DNM3: variants seen among roughly 807,000 people sequenced by gnomAD.
DNM3 encodes the protein dynamin 3, also known as dynamin-3.
A neutral mutation model predicts 101.6 loss-of-function variants in DNM3; 47 were observed. The observed-to-expected ratio is 0.46, with a 90% CI of 0.37 to 0.59. The LOEUF is 0.59. Among genes scored for constraint, DNM3 ranks in the 20% least tolerant of loss-of-function variants. The pLI is 0.00. For synonymous variants in DNM3, 385 were observed against 387.9 expected, an observed-to-expected ratio of 0.99 and a Z score of 0.09; for missense variants, 849 against 1,085.7, an observed-to-expected ratio of 0.78 and a Z score of 3.06.
At chr1:172,294,769 C>T (rs891574527) in intron 15 of DNM3, among the ~76,000 whole-genome samples, 3 of 136,010 alleles carry the variant, frequency 2.2e-5, no homozygotes, top group African/African-American at 9.2e-5. Context: ...CAAAATTAGC[C>T]AGGCTGGGAC....
At chr1:172,042,251 T>A in intron 8 of DNM3, 107 bp downstream of exon 8, 1 of 1,075,958 alleles carries the variant, frequency 9.3e-7, no homozygotes, top group Non-Finnish European at 1.2e-6. Flanking sequence ...ACATAGTTCT[T>A]TGAACAAAAC....
chr1:172,055,187 C>T (rs1388203494), intron 10 of DNM3, among the ~76,000 whole-genome samples: 1 of 152,086 alleles, frequency 6.6e-6, no homozygotes, highest in Non-Finnish European at 1.5e-5. Flanking sequence ...CCTTTCTCTC[C>T]TCCTCTTGGT....
At chr1:172,066,203 G>A (rs780087594) in intron 10 of DNM3, among the ~76,000 whole-genome samples, 3 of 149,094 alleles carry the variant, frequency 2.0e-5, no homozygotes, top group African/African-American at 7.8e-5. Context: ...GTGTGACTCT[G>A]TGTGTGTGTG....
chr1:172,324,979 G>C (rs564240063), intron 17 of DNM3, among the ~76,000 whole-genome samples: 5 of 152,186 alleles, frequency 3.3e-5, no homozygotes, highest in African/African-American at 9.6e-5. Context: ...TTTAGGATTT[G>C]TCTCTTTCAC....
intron 17 of DNM3, among the ~76,000 whole-genome samples, chr1:172,340,398 C>T (rs975764216): frequency 1.1e-4 from 17 of 152,140 alleles, no homozygotes; most frequent in Non-Finnish European, 5.9e-5. Context: ...CTACTTGGTC[C>T]GCATAGCTGG....
At chr1:171,993,765 A>C (rs1246183178) in intron 4 of DNM3, among the ~76,000 whole-genome samples, 1 of 151,676 alleles carries the variant, frequency 6.6e-6, no homozygotes, top group Non-Finnish European at 1.5e-5. Context: ...GACTTTGTTC[A>C]TGTTTCTTCA....
At chr1:171,998,973 G>A (rs187655987) in intron 4 of DNM3, among the ~76,000 whole-genome samples, 156 of 152,214 alleles carry the variant, frequency 1.0e-3, no homozygotes, top group African/African-American at 3.6e-3. Context: ...GAGGTAGGCA[G>A]GGCCCAGATC....
At chr1:172,394,632 C>T (rs534520571) in intron 20 of DNM3, among the ~76,000 whole-genome samples, 2 of 152,182 alleles carry the variant, frequency 1.3e-5, no homozygotes, top group Admixed American at 6.5e-5. Context: ...ATTGTTGAAG[C>T]TTCAGCCATT....
intron 2 of DNM3, among the ~76,000 whole-genome samples, chr1:171,970,802 G>A (rs2043935918): frequency 6.9e-6 from 1 of 145,946 alleles, no homozygotes; most frequent in Non-Finnish European, 1.5e-5. Flanking sequence ...GGTCTCAATT[G>A]GATTTTTTTA....
chr1:171,942,146 G>A (rs1424394444), intron 2 of DNM3, among the ~76,000 whole-genome samples: 1 of 150,766 alleles, frequency 6.6e-6, no homozygotes, highest in African/African-American at 2.4e-5. Context: ...GCAAGCTGTT[G>A]GGGAAAGATA....
chr1:171,941,102 A>G (rs2041780190), intron 2 of DNM3, among the ~76,000 whole-genome samples: 1 of 152,160 alleles, frequency 6.6e-6, no homozygotes, highest in Admixed American at 6.5e-5. Flanking sequence ...TACTTAACAA[A>G]TGTTTATTGA....
rs373374370 is a variant in DNM3, at chr1:171,841,722, G to A, written c.66G>A (p.Ala22=). The change falls in exon 1 of 21, where the codon GCG becomes GCA. Residue 22 remains alanine, a synonymous_variant. Transcript: ENST00000627582. The part of the protein sequence containing the change: ...LVNRLQDAFS[A]LGQSCLLELP... ...ACCGTCTGCAGGACGCGTTTTCGGC[G>A]CTGGGACAGAGCTGCCTGCTGGAGC... 6.2e-7 allele frequency: 1 copy of A among 1,611,324 alleles called. No homozygotes were observed. The highest frequency in any genetic ancestry group is 8.5e-7 in the Non-Finnish European group (1 of 1,179,288).
intron 14 of DNM3, among the ~76,000 whole-genome samples, chr1:172,168,448 C>G (rs1363119002): frequency 1.3e-5 from 2 of 151,866 alleles, no homozygotes; most frequent in Admixed American, 1.3e-4. Context: ...TGCAATTGTT[C>G]TATTATCGAG....
intron 15 of DNM3, among the ~76,000 whole-genome samples, chr1:172,273,407 AT>A (rs1201118862): frequency 6.6e-6 from 1 of 152,122 alleles, no homozygotes; most frequent in Non-Finnish European, 1.5e-5. Flanking sequence ...TTAGATAAAA[AT>A]TTTAAAACTA....
At chr1:172,093,654 CT>C (rs758272046) in intron 13 of DNM3, 27 of 1,571,052 alleles carry the variant, frequency 1.7e-5, no homozygotes, top group Admixed American at 4.1e-5. Context: ...ATTTTAAAAA[CT>C]TTTTTTCTGA....
chr1:172,203,148 A>G (rs1471401467), intron 14 of DNM3, among the ~76,000 whole-genome samples: 1 of 152,122 alleles, frequency 6.6e-6, no homozygotes, highest in Non-Finnish European at 1.5e-5. Context: ...TATGTTCAGG[A>G]CAAAGAATGA....
intron 17 of DNM3, among the ~76,000 whole-genome samples, chr1:172,350,338 GTGTGTGTT>G: frequency 1.3e-5 from 2 of 151,772 alleles, no homozygotes; most frequent in South Asian, 4.2e-4. Flanking sequence ...GTGTGTGTGT[GTGTGTGTT>G]TGTGTGTCTT....
chr1:171,972,741 T>C (rs1467295982), intron 2 of DNM3, among the ~76,000 whole-genome samples: 1 of 151,948 alleles, frequency 6.6e-6, no homozygotes, highest in East Asian at 1.9e-4. Flanking sequence ...TCCAGCTACT[T>C]GGGAGGATGA....
chr1:171,922,040 TA>T (rs1036603346), intron 2 of DNM3, among the ~76,000 whole-genome samples: 3 of 152,104 alleles, frequency 2.0e-5, no homozygotes, highest in African/African-American at 4.8e-5. Flanking sequence ...AATACCTACT[TA>T]AAAAAATGTT....
Sources: allele counts gnomAD v4.1 joint callset (sites outside exome capture counted in the v4.1 genomes callset), GRCh38; gene constraint gnomAD v4.1.1; transcripts MANE v1.5; gene names NCBI Gene and HGNC (gene_info 2026-07-23, HGNC 2026-07-21).